Variants in RALGPS2 observed in about 807,000 individuals in gnomAD.
The protein encoded by RALGPS2 is Ral GEF with PH domain and SH3 binding motif 2.
In RALGPS2, 43 loss-of-function variants were observed where a neutral mutation model predicts 86.8. The ratio of observed to expected loss-of-function variants is 0.50; its 90% CI spans 0.39 to 0.64. RALGPS2 has a LOEUF of 0.64. RALGPS2 is among the 30% of genes least tolerant of loss of function. RALGPS2 has a pLI of 0.00. For synonymous variants in RALGPS2, 243 were observed against 231.3 expected (o/e 1.05, Z -0.46); for missense variants, 536 against 694.6 (o/e 0.77, Z 2.57).
chr1:178,758,794 C>T (rs1049407707), intron 1 of RALGPS2, among the ~76,000 whole-genome samples: 3 of 152,140 alleles, frequency 2.0e-5, no homozygotes, highest in Non-Finnish European at 4.4e-5. Context: ...TTTATCCATA[C>T]GTTCATCTGT....
At chr1:178,781,356 G>A (rs1278958730) in intron 2 of RALGPS2, among the ~76,000 whole-genome samples, 1 of 152,096 alleles carries the variant, frequency 6.6e-6, no homozygotes, top group Non-Finnish European at 1.5e-5. Context: ...CTTACAGAAT[G>A]GATAAAATAC....
At chr1:178,900,224 A>G (rs1660110776) in intron 17 of RALGPS2, among the ~76,000 whole-genome samples, 1 of 151,980 alleles carries the variant, frequency 6.6e-6, no homozygotes, top group African/African-American at 2.4e-5. Flanking sequence ...TGTTCATGGC[A>G]ATAAACCCAG....
At chr1:178,872,340 C>CA (rs1658803774) in intron 8 of RALGPS2, among the ~76,000 whole-genome samples, 1 of 152,140 alleles carries the variant, frequency 6.6e-6, no homozygotes, top group Non-Finnish European at 1.5e-5. Flanking sequence ...CCTAGAAAGG[C>CA]AAATGCTCAC....
chr1:178,850,338 A>G (rs762641974), intron 8 of RALGPS2: 5 of 152,608 alleles, frequency 3.3e-5, no homozygotes, highest in Non-Finnish European at 7.4e-5. Flanking sequence ...CACACTAAAT[A>G]TTCTGCATTT....
intron 7 of RALGPS2, among the ~76,000 whole-genome samples, chr1:178,825,437 C>T (rs1236974144): frequency 6.6e-6 from 1 of 151,978 alleles, no homozygotes; most frequent in Non-Finnish European, 1.5e-5. Flanking sequence ...AAAGGGAGTG[C>T]AAGCTGAGGG....
intron 16 of RALGPS2, among the ~76,000 whole-genome samples, chr1:178,896,965 G>T (rs1041476251): frequency 4.6e-5 from 7 of 151,382 alleles, no homozygotes; most frequent in South Asian, 2.1e-4. Flanking sequence ...ATAGTCCTTT[G>T]TGTATATACC....
chr1:178,762,762 G>T (rs574617842), intron 1 of RALGPS2, among the ~76,000 whole-genome samples: 10 of 152,040 alleles, frequency 6.6e-5, no homozygotes, highest in Non-Finnish European at 1.3e-4. Flanking sequence ...TTTTTCAGTT[G>T]CATAGTTTGA....
chr1:178,738,872 G>C (rs1650867735), intron 1 of RALGPS2, among the ~76,000 whole-genome samples: 1 of 152,110 alleles, frequency 6.6e-6, no homozygotes, highest in South Asian at 2.1e-4. Flanking sequence ...GGTTATTCTA[G>C]ATCTCTAGGG....
In RALGPS2 at chr1:178,906,837, G is replaced by C; in HGVS notation, c.1692G>C (p.Leu564Phe). The C allele has an allele frequency of 6.2e-7, 1 of 1,613,254 alleles. No individual in the cohort carries two copies. The change falls in exon 19 of 20, where the codon TTG (leucine) becomes TTC (phenylalanine). Residue 564 changes from leucine (L) to phenylalanine (F), a missense_variant. By Grantham distance (22) the Leu-to-Phe change is conservative. This residue lies in a region of RALGPS2 where 309 missense variants were observed against 363.0 expected (regional missense o/e 0.85). Coordinates refer to ENST00000367635, the MANE Select transcript of RALGPS2 (RefSeq NM_152663.5). ...ATGCAATGTTATGGTTTAAGCATTT[G>C]AGTGCAGCCTGCCAAAGTAACAAAC... is the stretch of plus-strand genomic sequence containing the variant. ...RMNAMLWFKH[L>F]SAACQSNKQQ... is the part of the protein sequence containing the mutation.
chr1:178,899,488 GA>G (rs948859370), intron 17 of RALGPS2, among the ~76,000 whole-genome samples: 3 of 151,502 alleles, frequency 2.0e-5, no homozygotes, highest in African/African-American at 4.8e-5. Flanking sequence ...CTAAATGGAA[GA>G]AAAAAATTTT....
chr1:178,739,627 C>T (rs928416604), intron 1 of RALGPS2, among the ~76,000 whole-genome samples: 3 of 152,142 alleles, frequency 2.0e-5, no homozygotes, highest in Admixed American at 2.0e-4. Context: ...AAATATTCAG[C>T]CCTTAGAAAT....
intron 1 of RALGPS2, among the ~76,000 whole-genome samples, chr1:178,735,067 C>T (rs1650594340): frequency 6.6e-6 from 1 of 152,056 alleles, no homozygotes; most frequent in African/African-American, 2.4e-5. Flanking sequence ...TGATCACTTC[C>T]AGCTGGAAAC....
intron 11 of RALGPS2, among the ~76,000 whole-genome samples, chr1:178,884,213 T>C (rs776849602): frequency 1.3e-5 from 2 of 152,150 alleles, no homozygotes; most frequent in Non-Finnish European, 2.9e-5. Context: ...TAGAAGTCAA[T>C]TTTAGTGACG....
intron 14 of RALGPS2, among the ~76,000 whole-genome samples, chr1:178,891,382 G>C (rs1659704842): frequency 6.6e-6 from 1 of 152,030 alleles, no homozygotes; most frequent in South Asian, 2.1e-4. Flanking sequence ...TCTGAATGTT[G>C]ACATACCATT....
At chr1:178,744,488 G>A (rs28893193) in intron 1 of RALGPS2, among the ~76,000 whole-genome samples, 3,769 of 152,212 alleles carry the variant, frequency 0.025, 150 homozygotes, top group African/African-American at 0.086. Context: ...ACAGTGTACT[G>A]GAGGTTCATT....
At chr1:178,771,900 T>C (rs868179278) in intron 1 of RALGPS2, among the ~76,000 whole-genome samples, 11 of 152,320 alleles carry the variant, frequency 7.2e-5, no homozygotes, top group Non-Finnish European at 1.3e-4. Flanking sequence ...TAGTTTTCCA[T>C]TGTGTAGCAG....
At chr1:178,752,914 G>T (rs1180980409) in intron 1 of RALGPS2, among the ~76,000 whole-genome samples, 1 of 152,140 alleles carries the variant, frequency 6.6e-6, no homozygotes, top group Non-Finnish European at 1.5e-5. Flanking sequence ...TATCCTGAAT[G>T]GAATTTGTAA....
rs79962979 is a variant in RALGPS2 at position 178,814,412 on chromosome 1, G to A, written c.387+3008G>A. Reference sequence around the variant, plus strand: ...CCCTAGAAATACAGAGTTCGTACTAGCAGTGAAATTACTGAGTCTCTCTCT... The same window carrying A: ...CCCTAGAAATACAGAGTTCGTACTAACAGTGAAATTACTGAGTCTCTCTCT... On this transcript the variant is annotated intron_variant, in intron 6 of 19. Transcript: ENST00000367635. Among the ~76,000 whole-genome samples the A allele has an allele frequency of 2.9e-3, 448 of 152,190 alleles. 8 individuals carry two copies. In the East Asian group the frequency reaches 0.059, roughly 20 times the overall value.
intron 8 of RALGPS2, among the ~76,000 whole-genome samples, chr1:178,875,095 A>G (rs926919504): frequency 5.3e-5 from 8 of 152,338 alleles, no homozygotes; most frequent in Admixed American, 1.3e-4. Flanking sequence ...AAAATTGGTC[A>G]TCACTGATTA....
Sources: gnomAD v4.1 joint callset for allele counts (sites outside exome capture counted in the v4.1 genomes callset) on GRCh38, gnomAD v4.1.1 for gene constraint, gnomAD v4.1.1 regional missense constraint, MANE v1.5 for transcripts, NCBI Gene and HGNC (gene_info 2026-07-23, HGNC 2026-07-21) for gene names.